The following ABCB1 variants were observed in gnomAD, a reference collection of about 807,000 sequenced individuals.
ABCB1 encodes ATP binding cassette subfamily B member 1, also known as ATP-dependent translocase ABCB1.
ABCB1 carries 69 observed loss-of-function variants against 142.0 expected under a neutral mutation model. The ratio of observed to expected loss-of-function variants is 0.49; its 90% CI spans 0.40 to 0.59. ABCB1 has a LOEUF of 0.59. Ranked by LOEUF, ABCB1 falls within the 20% of genes least tolerant of loss-of-function variation. ABCB1 has a pLI of 0.00. For missense variants in ABCB1, 1,326 were observed against 1,554.7 expected, an observed-to-expected ratio of 0.85 and a Z score of 2.47; for synonymous variants, 532 against 539.2, an observed-to-expected ratio of 0.99 and a Z score of 0.18.
intron 7 of ABCB1, chr7:87,563,272 C>A: frequency 5.9e-6 from 2 of 341,538 alleles, no homozygotes. Context: ...GAAAATGTTC[C>A]AAAAAATTTA....
chr7:87,625,458 G>C (rs1820378483), intron 1 of ABCB1, among the ~76,000 whole-genome samples: 2 of 152,082 alleles, frequency 1.3e-5, no homozygotes, highest in African/African-American at 4.8e-5. Flanking sequence ...AAATGCTTCA[G>C]AGGCATGTGT....
At chr7:87,562,359 G>A (rs966879716) in intron 7 of ABCB1, among the ~76,000 whole-genome samples, 1 of 152,082 alleles carries the variant, frequency 6.6e-6, no homozygotes, top group Non-Finnish European at 1.5e-5. Context: ...TCTTCCTGGG[G>A]CTGTCCCACC....
intron 8 of ABCB1, among the ~76,000 whole-genome samples, chr7:87,556,328 A>C (rs1817308317): frequency 1.3e-5 from 2 of 152,374 alleles, no homozygotes; most frequent in South Asian, 4.1e-4. Flanking sequence ...TTCAAGGCAC[A>C]TAAAAGAGAG....
intron 1 of ABCB1, among the ~76,000 whole-genome samples, chr7:87,661,043 G>A (rs1824653097): frequency 1.3e-5 from 2 of 151,826 alleles, no homozygotes; most frequent in South Asian, 4.2e-4. Context: ...TTTTTCAAAT[G>A]TTATTTACAT....
chr7:87,608,839 A>C (rs28381786), intron 1 of ABCB1, among the ~76,000 whole-genome samples: 19 of 152,334 alleles, frequency 1.2e-4, no homozygotes, highest in Non-Finnish European at 2.2e-4. Context: ...TTCCATATAC[A>C]AGAAACACTG....
intron 14 of ABCB1, among the ~76,000 whole-genome samples, chr7:87,549,040 C>T (rs570611973): frequency 6.6e-6 from 1 of 152,280 alleles, no homozygotes; most frequent in African/African-American, 2.4e-5. Flanking sequence ...TTGAAGATCA[C>T]AATGAAGATG....
chr7:87,620,854 G>C (rs983706769), intron 1 of ABCB1, among the ~76,000 whole-genome samples: 1 of 151,988 alleles, frequency 6.6e-6, no homozygotes, highest in African/African-American at 2.4e-5. Flanking sequence ...CATGTTAAAA[G>C]GTGATTGTGC....
chr7:87,697,221 T>G (rs1457980236), intron 1 of ABCB1, among the ~76,000 whole-genome samples: 2 of 152,228 alleles, frequency 1.3e-5, no homozygotes, highest in African/African-American at 4.8e-5. Flanking sequence ...CCACTATAGG[T>G]GGTTGCCATT....
At chr7:87,543,448 T>A (rs1292350761) in intron 17 of ABCB1, among the ~76,000 whole-genome samples, 1 of 152,202 alleles carries the variant, frequency 6.6e-6, no homozygotes, top group Non-Finnish European at 1.5e-5. Context: ...AGTCAGTGTT[T>A]AGCTTATGCT....
intron 1 of ABCB1, among the ~76,000 whole-genome samples, chr7:87,620,725 C>T (rs1417852743): frequency 3.3e-5 from 5 of 151,986 alleles, no homozygotes; most frequent in Non-Finnish European, 7.4e-5. Flanking sequence ...AATCTAAGCA[C>T]AGAAAATCTT....
chr7:87,523,319 T>A (rs1815613116), intron 21 of ABCB1, among the ~76,000 whole-genome samples: 1 of 152,148 alleles, frequency 6.6e-6, no homozygotes, highest in South Asian at 2.1e-4. Context: ...TGGCACATAC[T>A]ATCAATCTGT....
chr7:87,662,605 G>A (rs1436618248), intron 1 of ABCB1, among the ~76,000 whole-genome samples: 5 of 151,944 alleles, frequency 3.3e-5, no homozygotes, highest in South Asian at 2.1e-4. Flanking sequence ...CTGTTCCATT[G>A]GTCTATGTAT....
intron 27 of ABCB1, among the ~76,000 whole-genome samples, chr7:87,505,090 A>T (rs1814675288): frequency 6.6e-6 from 1 of 152,002 alleles, no homozygotes; most frequent in Non-Finnish European, 1.5e-5. Flanking sequence ...CAGCCTTCTG[A>T]GTAGCTGGGA....
rs568447699 is a variant in ABCB1 at position 87,545,137 on chromosome 7, T to A, written c.1888-138A>T. 38 of 772,470 alleles carry A rather than the reference T, an allele frequency of 4.9e-5. No homozygotes were observed. The South Asian group carries it at 5.5e-4, about 11-fold the overall frequency. 47.9% of individuals were successfully genotyped at this position (772,470 alleles called of 1,614,324 possible). On this transcript the variant is annotated intron_variant, in intron 15 of 27. Transcript: ENST00000622132. ...AAAAGGATAAAGCTAATCTGCTGTG[T>A]TGTTTTATGTGTGTCTGTGTGTGTC...
intron 1 of ABCB1, chr7:87,628,006 C>G (rs973638579): frequency 1.3e-5 from 2 of 152,346 alleles, no homozygotes; most frequent in African/African-American, 4.8e-5. Flanking sequence ...CTCCTCCCTT[C>G]TTAGTACTTA....
intron 1 of ABCB1, among the ~76,000 whole-genome samples, chr7:87,630,370 A>G (rs2130181503): frequency 6.6e-6 from 1 of 152,384 alleles, no homozygotes; most frequent in East Asian, 1.9e-4. Flanking sequence ...TAATTATTAC[A>G]GCACTTTGAG....
chr7:87,676,612 G>A lies in ABCB1; in HGVS notation c.-331+36549C>T, dbSNP rs572592448. Among the ~76,000 whole-genome samples the A allele has an allele frequency of 4.7e-5, 7 of 147,906 alleles. No individual in the cohort carries two copies. In the South Asian group the frequency reaches 1.5e-3, roughly 32 times the overall value. On this transcript the variant is annotated intron_variant, in intron 1 of 28. Coordinates refer to the ABCB1 transcript ENST00000265724. ...CCAGCTACTCAGGAGGCTGAGGCCC[G>A]AGAATTGCTTGAACCTAGGAGGCAG...
intron 1 of ABCB1, among the ~76,000 whole-genome samples, chr7:87,697,770 A>G (rs905064811): frequency 3.9e-5 from 6 of 152,168 alleles, no homozygotes; most frequent in African/African-American, 1.4e-4. Context: ...AGTAGGTACT[A>G]TCGTTATTTT....
chr7:87,569,364 T>G (rs1563056970), intron 5 of ABCB1, among the ~76,000 whole-genome samples: 3 of 150,728 alleles, frequency 2.0e-5, no homozygotes. Flanking sequence ...TCTATTTTTT[T>G]CAAATGTACC....
Sources: gnomAD v4.1 joint callset for allele counts (sites outside exome capture counted in the v4.1 genomes callset) on GRCh38, gnomAD v4.1.1 for gene constraint, MANE v1.5 for transcripts, NCBI Gene and HGNC (gene_info 2026-07-23, HGNC 2026-07-21) for gene names.